CRTC3: variants seen among roughly 807,000 people sequenced by gnomAD.
The protein encoded by CRTC3 is CREB-regulated transcription coactivator 3.
A neutral mutation model predicts 74.5 loss-of-function variants in CRTC3; 26 were observed. The ratio of observed to expected loss-of-function variants is 0.35; its 90% CI spans 0.26 to 0.48. CRTC3 has a LOEUF of 0.48. Among genes scored for constraint, CRTC3 ranks in the 20% least tolerant of loss-of-function variants. CRTC3 has a pLI of 0.99. For missense variants in CRTC3, 760 were observed against 787.3 expected (o/e 0.97, Z 0.41); for synonymous variants, 377 against 325.8 (o/e 1.16, Z -1.69).
At position 90,605,545 on chromosome 15, in the gene CRTC3, G is replaced by A. The variant is rs773556122; in HGVS notation, c.476+1098G>A. On this transcript the variant is annotated intron_variant, in intron 5 of 14. Transcript: ENST00000268184. ...CCTTAATATAATTCAATGCCTGGTC[G>A]GTATTTAGATTTTCCCAGTTGGCTC... Among the ~76,000 whole-genome samples the A allele has an allele frequency of 7.2e-5, 11 of 152,254 alleles. No homozygotes were observed. The Middle Eastern group carries it at 0.01, about 141-fold the overall frequency.
chr15:90,586,442 C>G (rs1202063312), intron 2 of CRTC3, among the ~76,000 whole-genome samples: 1 of 140,498 alleles, frequency 7.1e-6, no homozygotes, highest in Non-Finnish European at 1.5e-5. Flanking sequence ...TCTCAGCTCA[C>G]TGCAACCTCT....
chr15:90,535,755 A>G (rs1403125144), intron 1 of CRTC3, among the ~76,000 whole-genome samples: 1 of 152,218 alleles, frequency 6.6e-6, no homozygotes, highest in Admixed American at 6.5e-5. Context: ...CTAAATATTG[A>G]GGACTTTCCT....
At chr15:90,560,231 CT>C (rs1309562578) in intron 2 of CRTC3, among the ~76,000 whole-genome samples, 1 of 152,196 alleles carries the variant, frequency 6.6e-6, no homozygotes, top group East Asian at 1.9e-4. Context: ...GGCTGGAACT[CT>C]GTGGGATGTC....
At chr15:90,594,411 A>G (rs1967871288) in intron 3 of CRTC3, 1 of 152,282 alleles carries the variant, frequency 6.6e-6, no homozygotes, top group Admixed American at 6.5e-5. Context: ...CATTGTGCCG[A>G]AGGCTTTGGG....
intron 3 of CRTC3, among the ~76,000 whole-genome samples, chr15:90,601,037 C>T (rs1449251692): frequency 6.6e-6 from 1 of 152,190 alleles, no homozygotes; most frequent in East Asian, 1.9e-4. Flanking sequence ...AATTGTGGAT[C>T]ACCGCAATTA....
At chr15:90,604,852 C>T (rs1391627327) in intron 5 of CRTC3, among the ~76,000 whole-genome samples, 1 of 152,156 alleles carries the variant, frequency 6.6e-6, no homozygotes, top group African/African-American at 2.4e-5. Context: ...AGAGTTCTAC[C>T]TCAGCCATTT....
chr15:90,629,206 A>G (rs997923158), intron 10 of CRTC3, 28 bp from the exon 11 acceptor site: 5 of 1,593,004 alleles, frequency 3.1e-6, no homozygotes, highest in Non-Finnish European at 4.3e-6. Flanking sequence ...TGAAATTATA[A>G]GTAACTTGTG....
At chr15:90,531,193 C>G (rs904691212) in intron 1 of CRTC3, among the ~76,000 whole-genome samples, 2 of 152,022 alleles carry the variant, frequency 1.3e-5, no homozygotes, top group South Asian at 4.1e-4. Context: ...GAATCTGTTG[C>G]CAGAATTTTT....
At chr15:90,599,673 T>G (rs2151080608) in intron 3 of CRTC3, 1 of 152,204 alleles carries the variant, frequency 6.6e-6, no homozygotes, top group East Asian at 1.9e-4. Flanking sequence ...ATTAAAAATT[T>G]CCAGGAATTT....
At chr15:90,537,280 G>A (rs11633872) in intron 1 of CRTC3, among the ~76,000 whole-genome samples, 63,106 of 152,152 alleles carry the variant, frequency 0.41, 15,183 homozygotes, top group Non-Finnish European at 0.55. Context: ...CCACTCTTGT[G>A]TCTGTGTCAT....
intron 11 of CRTC3, chr15:90,634,763 T>C: frequency 1.8e-6 from 2 of 1,094,764 alleles, no homozygotes; most frequent in Non-Finnish European, 2.8e-6. Flanking sequence ...TTCCACTCTC[T>C]GACTGAGTAT....
chr15:90,635,003 T>A (rs375582805), intron 11 of CRTC3: 58 of 1,309,534 alleles, frequency 4.4e-5, no homozygotes, highest in African/African-American at 2.3e-4. Flanking sequence ...TATTTAGAGA[T>A]GGTGACATTC....
chr15:90,536,898 T>A (rs1966729172), intron 1 of CRTC3, among the ~76,000 whole-genome samples: 1 of 152,236 alleles, frequency 6.6e-6, no homozygotes, highest in South Asian at 2.1e-4. Context: ...GAACATGGGT[T>A]CAGTGTTGTC....
intron 2 of CRTC3, among the ~76,000 whole-genome samples, chr15:90,564,052 A>T (rs1038476430): frequency 6.6e-6 from 1 of 152,184 alleles, no homozygotes; most frequent in Non-Finnish European, 1.5e-5. Context: ...ACCCCAGAGT[A>T]GGTACTATTA....
intron 2 of CRTC3, among the ~76,000 whole-genome samples, chr15:90,572,310 G>A (rs1967289341): frequency 6.6e-6 from 1 of 152,096 alleles, no homozygotes; most frequent in Admixed American, 6.6e-5. Flanking sequence ...CTTATTGAGA[G>A]ACAATTAGAT....
chr15:90,614,695 C>T, intron 7 of CRTC3: 2 of 481,172 alleles, frequency 4.2e-6, no homozygotes, highest in East Asian at 3.4e-5. Context: ...GGTTGCATTA[C>T]AAAGGTTCCT....
intron 2 of CRTC3, among the ~76,000 whole-genome samples, chr15:90,587,696 C>T (rs1160378842): frequency 3.3e-5 from 5 of 152,134 alleles, no homozygotes; most frequent in Non-Finnish European, 4.4e-5. Context: ...TCACTGCAAC[C>T]TCTGCCTCCC....
At position 90,644,137 on chromosome 15, in the gene CRTC3, A is replaced by T; in HGVS notation, c.*1997A>T. ...ATCAAACCAGAGTCCTCCTCGCCTG[A>T]TTTCCAGCTCAGGAAGGGCCTGCTG... On this transcript the variant is annotated 3_prime_UTR_variant, in exon 15 of 15. Transcript: ENST00000268184. The T allele has an allele frequency of 4.4e-6, 1 of 228,660 alleles. No homozygotes were observed. Among genetic ancestry groups the T allele is most frequent in the Non-Finnish European group, 8.7e-6 (1 of 115,168 alleles). 14.2% of individuals were successfully genotyped at this position (228,660 alleles called of 1,614,324 possible). A position where few individuals can be genotyped will look rare whatever the true frequency, so the allele number is the denominator to read the frequency against.
chr15:90,567,410 G>A (rs1298425225), intron 2 of CRTC3, among the ~76,000 whole-genome samples: 1 of 152,052 alleles, frequency 6.6e-6, no homozygotes, highest in African/African-American at 2.4e-5. Context: ...CTCCTGGCTG[G>A]GCTTGGTGGC....
Sources: gnomAD v4.1 joint callset for allele counts (sites outside exome capture counted in the v4.1 genomes callset) on GRCh38, gnomAD v4.1.1 for gene constraint, MANE v1.5 for transcripts, NCBI Gene and HGNC (gene_info 2026-07-23, HGNC 2026-07-21) for gene names.